The following PDXK variants were observed in gnomAD, a reference collection of about 807,000 sequenced individuals.
The protein encoded by PDXK is epididymis secretory sperm binding protein Li 1a.
A neutral mutation model predicts 43.2 loss-of-function variants in PDXK; 15 were observed. The observed-to-expected ratio is 0.35, with a 90% CI of 0.23 to 0.53. The LOEUF is 0.53. Ranked by LOEUF, PDXK falls within the 20% of genes least tolerant of loss-of-function variation. The pLI, the probability that PDXK is intolerant of heterozygous loss-of-function variation, is 0.92. For missense variants in PDXK, 343 were observed against 417.0 expected, an observed-to-expected ratio of 0.82 and a Z score of 1.54; for synonymous variants, 172 against 165.4, an observed-to-expected ratio of 1.04 and a Z score of -0.31.
At chr21:43,750,088 G>T (rs192885917) in intron 6 of PDXK, among the ~76,000 whole-genome samples, 14 of 152,338 alleles carry the variant, frequency 9.2e-5, no homozygotes, top group African/African-American at 3.4e-4. Context: ...ACCTGGGCCT[G>T]TCCAAACTTG....
chr21:43,750,733 A>ATGTGTG (rs3042235), intron 7 of PDXK, among the ~76,000 whole-genome samples, 188 bp downstream of exon 7: 6 of 150,406 alleles, frequency 4.0e-5, no homozygotes, highest in South Asian at 2.1e-4. Context: ...ATGTTTGTGC[A>ATGTGTG]TGTGTGTGTG....
intron 1 of PDXK, chr21:43,719,673 C>T: frequency 2.2e-5 from 22 of 985,438 alleles, no homozygotes; most frequent in Non-Finnish European, 2.7e-5. Flanking sequence ...CTCGTCCTCG[C>T]CCCTTCCCGC....
At chr21:43,719,850 G>A (rs1568969615) in intron 1 of PDXK, 1 of 985,374 alleles carries the variant, frequency 1.0e-6, no homozygotes, top group Non-Finnish European at 1.2e-6. Context: ...CTCACCTCCT[G>A]GGCCCCTGTG....
chr21:43,741,907 A>C, intron 3 of PDXK, 136 bp downstream of exon 3: 2 of 665,340 alleles, frequency 3.0e-6, no homozygotes, highest in Non-Finnish European at 5.3e-6. Flanking sequence ...TGGCGTGCCC[A>C]AGCCACCATC....
intron 7 of PDXK, among the ~76,000 whole-genome samples, chr21:43,751,152 C>T (rs2083744658): frequency 6.6e-6 from 1 of 152,192 alleles, no homozygotes; most frequent in Non-Finnish European, 1.5e-5. Context: ...TTCTCCGGGA[C>T]TTGGAGACCG....
At chr21:43,741,798 G>A (rs1413108566) in intron 3 of PDXK, 27 bp downstream of exon 3, 1 of 1,457,624 alleles carries the variant, frequency 6.9e-7, no homozygotes, top group Non-Finnish European at 9.6e-7. Context: ...GCTGCCGCAG[G>A]GGACTACGCA....
chr21:43,748,528 G>C (rs191555666), intron 5 of PDXK: 3 of 154,774 alleles, frequency 1.9e-5, no homozygotes, highest in African/African-American at 7.2e-5. Context: ...TGTTTGTCAG[G>C]CAACTTAGAC....
In PDXK at chr21:43,734,752, C is replaced by A. The variant is rs1480313767; in HGVS notation, c.142+629C>A. ...GGCCATGCTTTCCATGCCCCCAGCC[C>A]CATGGCCTGGGGGTGGAGGTGCGTG... On this transcript the variant is annotated intron_variant, in intron 2 of 10. Transcript: ENST00000291565. The surrounding 1 kb of genome is among the most constrained non-coding windows in gnomAD (Gnocchi z 5.0). 6.6e-6 allele frequency among the ~76,000 whole-genome samples: 1 copy of A among 152,090 alleles called. No individual in the cohort carries two copies.
chr21:43,740,172 G>C (rs1340226360), intron 2 of PDXK, among the ~76,000 whole-genome samples: 1 of 152,088 alleles, frequency 6.6e-6, no homozygotes, highest in Non-Finnish European at 1.5e-5. Context: ...GGCTCCTGAT[G>C]GCAGTCTCAG....
In PDXK at chr21:43,758,292, C is replaced by T. The variant is rs2083884929; in HGVS notation, c.*2229C>T. The T allele has an allele frequency of 6.5e-6, 1 of 153,722 alleles. No homozygotes were observed. The highest frequency in any genetic ancestry group is 6.5e-5 in the Admixed American group (1 of 15,290). The allele number at this position is 153,722 out of a possible 1,614,324, so 9.5% of individuals were successfully genotyped here. A position where few individuals can be genotyped will look rare whatever the true frequency, so the allele number is the denominator to read the frequency against. On this transcript the variant is annotated 3_prime_UTR_variant, in exon 11 of 11. Coordinates refer to ENST00000291565, the MANE Select transcript of PDXK (RefSeq NM_003681.5). ...AGGCGCCTCCCGTAAATCCTGAGCT[C>T]TCTGGCGCAATCTGAAACTTCTCTT...
chr21:43,749,386 T>G (rs1406195686), intron 6 of PDXK, among the ~76,000 whole-genome samples: 1 of 152,250 alleles, frequency 6.6e-6, no homozygotes, highest in African/African-American at 2.4e-5. Context: ...ATTACAGGCA[T>G]GAGTCATCGT....
At chr21:43,748,135 A>G (rs61299327) in intron 5 of PDXK, among the ~76,000 whole-genome samples, 7,505 of 152,334 alleles carry the variant, frequency 0.049, 580 homozygotes, top group African/African-American at 0.17. Flanking sequence ...GAAATGTTCC[A>G]TGAAGCCCAC....
chr21:43,728,251 TGGCAGGCGGTGGGA>T (rs2083273637), intron 1 of PDXK, among the ~76,000 whole-genome samples: 2 of 152,128 alleles, frequency 1.3e-5, no homozygotes, highest in African/African-American at 4.8e-5. Context: ...GGCTGACCAG[TGGCAGGCGGTGGGA>T]GGGACGCGGG....
rs8134507 is a variant in PDXK at position 43,752,498 on chromosome 21, G to A, written c.511-20G>A. 0.2 allele frequency: 309,907 copies of A among 1,548,908 alleles called. 33,377 individuals are homozygous for A. Among genetic ancestry groups the A allele is most frequent in the African/African-American group, 0.23 (16,702 of 73,744 alleles). ...TGACATGTGACCGGCCGTGGCTGAC[G>A]CTCCCTGTGCCACTGCTAGGTGATG... On this transcript the variant is annotated intron_variant, in intron 7 of 10. Coordinates refer to ENST00000291565, the MANE Select transcript of PDXK (RefSeq NM_003681.5).
At chr21:43,719,716 C>T (rs1236968818) in intron 1 of PDXK, 2 of 985,334 alleles carry the variant, frequency 2.0e-6, no homozygotes, top group African/African-American at 3.5e-5. Flanking sequence ...GGCGGGCGGG[C>T]GGTGCGGCTC....
At position 43,734,439 on chromosome 21, in the gene PDXK, A is replaced by G. The variant is rs1601796433; in HGVS notation, c.142+316A>G. 6.6e-6 allele frequency among the ~76,000 whole-genome samples: 1 copy of G among 151,816 alleles called. No homozygotes were observed. Among genetic ancestry groups the G allele is most frequent in the Admixed American group, 6.6e-5 (1 of 15,246 alleles). On this transcript the variant is annotated intron_variant, in intron 2 of 10. Transcript: ENST00000291565. The surrounding 1 kb of genome is among the most constrained non-coding windows in gnomAD (Gnocchi z 5.0). ...TGTAAGACAGGAGGGCAATCCTAAC[A>G]CCTGCCGTGAGGTTGCCAGAGTTGA... is the stretch of plus-strand genomic sequence containing the variant.
intron 2 of PDXK, among the ~76,000 whole-genome samples, chr21:43,740,044 CAG>C (rs2083467638): frequency 6.6e-6 from 1 of 151,674 alleles, no homozygotes; most frequent in Admixed American, 6.6e-5. Context: ...CAGAGTCCAT[CAG>C]GGGCTTGGTC....
chr21:43,726,853 T>A (rs1401461479), intron 1 of PDXK, among the ~76,000 whole-genome samples: 1 of 151,934 alleles, frequency 6.6e-6, no homozygotes, highest in Admixed American at 6.6e-5. Context: ...TGCATGTGTG[T>A]ACATGGTGTG....
rs1460749382 is a variant in PDXK at position 43,735,761 on chromosome 21, C to T, written c.142+1638C>T. 6.6e-6 allele frequency among the ~76,000 whole-genome samples: 1 copy of T among 151,790 alleles called. No homozygotes were observed. The highest frequency in any genetic ancestry group is 1.5e-5 in the Non-Finnish European group (1 of 67,894). The stretch of plus-strand genomic sequence containing the variant: ...ACACTCTCGGGGTCAGCTGTCTGTG[C>T]GGCCTGATCAGGAGGCCCCCGGGTA... On this transcript the variant is annotated intron_variant, in intron 2 of 10. Coordinates refer to ENST00000291565, the MANE Select transcript of PDXK (RefSeq NM_003681.5). This position sits in a 1 kb window ranked among gnomAD's most constrained non-coding sequence, Gnocchi z 5.3.
Sources: gnomAD v4.1 joint callset for allele counts (sites outside exome capture counted in the v4.1 genomes callset) on GRCh38, gnomAD v4.1.1 for gene constraint, Gnocchi (gnomAD v3.1) non-coding constraint, MANE v1.5 for transcripts, NCBI Gene and HGNC (gene_info 2026-07-23, HGNC 2026-07-21) for gene names.